PDZD4: variants seen among roughly 807,000 people sequenced by gnomAD.
PDZD4 encodes PDZ domain-containing protein 4.
In PDZD4, 9 loss-of-function variants were observed where a neutral mutation model predicts 38.5. The observed-to-expected ratio is 0.23, with a 90% CI of 0.14 to 0.41. The LOEUF (loss-of-function observed/expected upper bound fraction) is 0.41. Ranked by LOEUF, PDZD4 falls within the 10% of genes least tolerant of loss-of-function variation. PDZD4 has a pLI of 1.00. For synonymous variants in PDZD4, 349 were observed against 315.7 expected (o/e 1.11, Z -1.12); for missense variants, 612 against 722.0 (o/e 0.85, Z 1.75).
In PDZD4 at chrX:153,805,560, A is replaced by T; in HGVS notation, c.614T>A (p.Leu205Gln). The T allele has an allele frequency of 8.3e-7, 1 of 1,211,010 alleles. No individual in the cohort carries two copies. The highest frequency in any genetic ancestry group is 1.1e-6 in the Non-Finnish European group (1 of 895,332). The change falls in exon 6 of 8, where the codon CTG becomes CAG. Residue 205 changes from leucine to glutamine, a missense_variant. Physicochemically the swap from Leu to Gln is moderately radical, Grantham distance 113. Transcript: ENST00000393758. ...GATGTTGGTGTTCTCTTCCTGGCTC[A>T]GGATGGCCACCGCCTCTTCCCGGTT... ...VQNREEAVAILSQEENTNISL... is the reference protein window; with the variant it reads ...VQNREEAVAIQSQEENTNISL...
At chrX:153,830,000 G>A in intron 1 of PDZD4, 3 of 731,893 alleles carry the variant, frequency 4.1e-6, no homozygotes, top group Non-Finnish European at 5.4e-6. Context: ...CCGCCGCACC[G>A]CGCCTCCCGG....
At chrX:153,813,145 C>T (rs1390158608) in intron 1 of PDZD4, among the ~76,000 whole-genome samples, 1 of 111,374 alleles carries the variant, frequency 9.0e-6, no homozygotes, top group Non-Finnish European at 1.9e-5. Context: ...CTCAATATTT[C>T]AAATGGGGAA....
chrX:153,830,416 G>C lies in PDZD4; in HGVS notation c.-118C>G, dbSNP rs781872833. 3.4e-6 allele frequency: 2 copies of C among 581,175 alleles called. No individual in the cohort carries two copies. The highest frequency in any genetic ancestry group is 7.4e-5 in the Admixed American group (2 of 26,899). 47.9% of individuals were successfully genotyped at this position (581,175 alleles called of 1,213,427 possible). ...GGGGCCATACCCTGGCGCGGGGGGC[G>C]GGCCGCCTAGCGGGGGAGGGGGGCA... On this transcript the variant is annotated 5_prime_UTR_variant, in exon 1 of 8. Transcript: ENST00000393758.
intron 1 of PDZD4, among the ~76,000 whole-genome samples, chrX:153,818,436 C>T (rs1160409493): frequency 9.0e-6 from 1 of 110,503 alleles, no homozygotes; most frequent in African/African-American, 3.3e-5. Context: ...GAGACCCTGT[C>T]TCAAAAATAA....
intron 1 of PDZD4, among the ~76,000 whole-genome samples, chrX:153,812,676 G>A (rs2064321647): frequency 9.0e-6 from 1 of 111,215 alleles, no homozygotes; most frequent in Non-Finnish European, 1.9e-5. Flanking sequence ...CCCCTCTGGG[G>A]AAGGGCTAAG....
intron 1 of PDZD4, among the ~76,000 whole-genome samples, chrX:153,812,638 T>C (rs1557078995): frequency 9.0e-6 from 1 of 110,914 alleles, no homozygotes; most frequent in Non-Finnish European, 1.9e-5. Context: ...TCATCGGTCA[T>C]GCTGGACCCC....
chrX:153,808,243 G>A, intron 2 of PDZD4, 99 bp downstream of exon 2: 6 of 1,090,715 alleles, frequency 5.5e-6, no homozygotes, highest in Non-Finnish European at 7.2e-6. Context: ...GAGGCCGAGG[G>A]GCCTGCTTCC....
chrX:153,816,605 C>T (rs1371055576), intron 1 of PDZD4, among the ~76,000 whole-genome samples: 5 of 111,492 alleles, frequency 4.5e-5, no homozygotes, highest in South Asian at 3.8e-4. Context: ...GAACACACCC[C>T]CCATCCCGTT....
chrX:153,829,637 C>T (rs1200362438), intron 1 of PDZD4: 4 of 667,660 alleles, frequency 6.0e-6, no homozygotes, highest in African/African-American at 2.4e-5. Context: ...TCCTTCCCTC[C>T]CCGCGGGGCC....
intron 1 of PDZD4, among the ~76,000 whole-genome samples, chrX:153,809,718 G>A (rs1282708964): frequency 1.8e-5 from 2 of 113,127 alleles, no homozygotes; most frequent in East Asian, 2.8e-4. Flanking sequence ...TATTGCAGAT[G>A]AGGAAACCAT....
At chrX:153,813,911 TAACA>T (rs1459121216) in intron 1 of PDZD4, among the ~76,000 whole-genome samples, 3 of 112,415 alleles carry the variant, frequency 2.7e-5, no homozygotes, top group Non-Finnish European at 5.6e-5. Flanking sequence ...TCCCAACTCC[TAACA>T]GTTTGCTGAA....
chrX:153,802,673 C>T lies in PDZD4; in HGVS notation c.*680G>A, dbSNP rs1004550999. On this transcript the variant is annotated 3_prime_UTR_variant, in exon 8 of 8. Transcript: ENST00000393758. ...ACCAGAACAGCTGCTTCCCATTCCT[C>T]CCACCTTTCCCTCCCCTTCCCTCCC... 9.0e-6 allele frequency: 1 copy of T among 111,152 alleles called. No individual in the cohort carries two copies. Among genetic ancestry groups the T allele is most frequent in the Non-Finnish European group, 1.9e-5 (1 of 52,876 alleles). 9.2% of individuals were successfully genotyped at this position (111,152 alleles called of 1,213,427 possible).
At chrX:153,805,076 A>G in intron 7 of PDZD4, 21 bp downstream of exon 7, 1 of 1,198,132 alleles carries the variant, frequency 8.3e-7, no homozygotes, top group Non-Finnish European at 1.1e-6. Context: ...CCTCCCCACC[A>G]GCGCCCTTTT....
intron 1 of PDZD4, among the ~76,000 whole-genome samples, chrX:153,823,434 T>A (rs2064448253): frequency 9.1e-6 from 1 of 110,269 alleles, no homozygotes; most frequent in African/African-American, 3.3e-5. Flanking sequence ...GTCAGGCTGG[T>A]CTCGAACTCC....
chrX:153,817,202 G>A (rs2064372253), intron 1 of PDZD4, among the ~76,000 whole-genome samples: 2 of 111,543 alleles, frequency 1.8e-5, no homozygotes, highest in Admixed American at 1.9e-4. Context: ...ACAAGGTTAG[G>A]TGTAGCTTAT....
At chrX:153,824,867 G>A (rs921250689) in intron 1 of PDZD4, among the ~76,000 whole-genome samples, 1 of 111,769 alleles carries the variant, frequency 8.9e-6, no homozygotes, top group Admixed American at 9.5e-5. Context: ...GCATGGTGGC[G>A]CATGCCTGTA....
At chrX:153,809,948 G>A (rs1286365135) in intron 1 of PDZD4, among the ~76,000 whole-genome samples, 1 of 112,974 alleles carries the variant, frequency 8.9e-6, no homozygotes, top group African/African-American at 3.2e-5. Flanking sequence ...AGGTGGTGGG[G>A]CAAGCAGTGC....
intron 1 of PDZD4, among the ~76,000 whole-genome samples, chrX:153,814,473 A>ACCCCCCCCCCCCC (rs782572040): frequency 5.0e-5 from 2 of 40,361 alleles, no homozygotes; most frequent in African/African-American, 9.7e-5. Flanking sequence ...GACTCCATCC[A>ACCCCCCCCCCCCC]CCCCCCACCC....
intron 2 of PDZD4, 81 bp downstream of exon 2, chrX:153,808,261 G>A: frequency 9.0e-7 from 1 of 1,115,077 alleles, no homozygotes; most frequent in South Asian, 2.2e-5. Flanking sequence ...TCCTGCCCGA[G>A]AGGGTGGCGT....
Sources: allele counts gnomAD v4.1 joint callset (sites outside exome capture counted in the v4.1 genomes callset), GRCh38; gene constraint gnomAD v4.1.1; transcripts MANE v1.5; gene names NCBI Gene and HGNC (gene_info 2026-07-23, HGNC 2026-07-21).